Variants in FLACC1 observed in about 807,000 individuals in gnomAD.
The protein encoded by FLACC1 is flagellum associated containing coiled-coil domains 1, also known as flagellum-associated coiled-coil domain-containing protein 1.
FLACC1 carries 66 observed loss-of-function variants against 62.8 expected under a neutral mutation model. That is an observed-to-expected ratio of 1.05 (90% CI 0.86 to 1.29). FLACC1 has a LOEUF of 1.29. Among genes scored for constraint, FLACC1 ranks in the 50% most tolerant of loss-of-function variants. FLACC1 has a pLI of 0.00. For synonymous variants in FLACC1, 156 were observed against 161.0 expected (o/e 0.97, Z 0.24); for missense variants, 452 against 489.1 (o/e 0.92, Z 0.71).
At position 201,344,755 on chromosome 2, in the gene FLACC1, G is replaced by A. The variant is rs1950879826; in HGVS notation, c.369-492C>T. On this transcript the variant is annotated intron_variant, in intron 5 of 14. Coordinates refer to ENST00000392257, the MANE Select transcript of FLACC1 (RefSeq NM_001127391.3). ...AGGTCATGGTTTTCTGTGTTTCTGG[G>A]TCTAAGGCTGCCATGGTATCTGTAA... is the stretch of plus-strand genomic sequence containing the variant. 2.0e-5 allele frequency among the ~76,000 whole-genome samples: 3 copies of A among 152,200 alleles called. No individual in the cohort carries two copies. In the South Asian group the frequency reaches 6.2e-4, roughly 32 times the overall value.
At chr2:201,359,584 C>T (rs1241615404), upstream of FLACC1, among the ~76,000 whole-genome samples, 3 of 152,196 alleles carry the variant, frequency 2.0e-5, no homozygotes, top group Non-Finnish European at 4.4e-5. Flanking sequence ...AAGTGGCTTA[C>T]ATCAAAGAGG....
chr2:201,303,994 G>A (rs1950047101), intron 11 of FLACC1, among the ~76,000 whole-genome samples: 1 of 152,160 alleles, frequency 6.6e-6, no homozygotes, highest in Non-Finnish European at 1.5e-5. Context: ...GCAAAAACTG[G>A]AAGCATTCCC....
intron 2 of FLACC1, 133 bp downstream of exon 2, chr2:201,351,158 TG>T: frequency 1.3e-6 from 1 of 768,658 alleles, no homozygotes; most frequent in Non-Finnish European, 2.1e-6. Flanking sequence ...GCAGGGAAGC[TG>T]GGGAAAGCGA....
chr2:201,299,401 C>T, intron 11 of FLACC1, 101 bp from the exon 12 acceptor site: 2 of 922,332 alleles, frequency 2.2e-6, no homozygotes, highest in Non-Finnish European at 3.4e-6. Context: ...TAATATTCAC[C>T]AAAGCTTAGA....
chr2:201,356,743 G>T (rs1473809826), intron 1 of FLACC1, among the ~76,000 whole-genome samples: 1 of 152,174 alleles, frequency 6.6e-6, no homozygotes, highest in Non-Finnish European at 1.5e-5. Context: ...ATCACAGATA[G>T]ATCTGCATTT....
chr2:201,330,986 T>G (rs1950583413), intron 7 of FLACC1, among the ~76,000 whole-genome samples, 153 bp from the exon 8 acceptor site: 1 of 151,522 alleles, frequency 6.6e-6, no homozygotes. Context: ...TTTTTTTTTT[T>G]TGAGTCAGAG....
At chr2:201,354,789 G>A (rs1414460324) in intron 1 of FLACC1, among the ~76,000 whole-genome samples, 1 of 152,180 alleles carries the variant, frequency 6.6e-6, no homozygotes, top group Non-Finnish European at 1.5e-5. Context: ...AGAAGTGAGA[G>A]GCTAAGGCAG....
upstream of FLACC1, among the ~76,000 whole-genome samples, chr2:201,359,313 T>C (rs996070114): frequency 4.6e-5 from 7 of 152,340 alleles, no homozygotes; most frequent in African/African-American, 9.6e-5. Context: ...GGGAGACTAA[T>C]AGACAAGTGG....
intron 5 of FLACC1, 97 bp from the exon 6 acceptor site, chr2:201,344,360 C>T (rs1321839017): frequency 2.0e-6 from 2 of 1,013,644 alleles, no homozygotes; most frequent in East Asian, 4.8e-5. Context: ...TGAGAGCTGG[C>T]CTGGTGAGAG....
At chr2:201,290,357 T>C (rs1209729838) in intron 12 of FLACC1, among the ~76,000 whole-genome samples, 6 of 146,200 alleles carry the variant, frequency 4.1e-5, no homozygotes, top group African/African-American at 1.5e-4. Context: ...AAGATACTAA[T>C]AATAAAGGAA....
At chr2:201,361,502 G>A (rs1951185784), upstream of FLACC1, among the ~76,000 whole-genome samples, 1 of 152,196 alleles carries the variant, frequency 6.6e-6, no homozygotes, top group Non-Finnish European at 1.5e-5. Flanking sequence ...TTCGCATACA[G>A]GAATGGTATT....
chr2:201,348,372 C>A, intron 3 of FLACC1, 70 bp from the exon 4 acceptor site: 1 of 1,494,946 alleles, frequency 6.7e-7, no homozygotes. Flanking sequence ...GGAGCTGAAC[C>A]CTGAGGCCGC....
chr2:201,316,224 A>T (rs1320551254), intron 9 of FLACC1, among the ~76,000 whole-genome samples: 2 of 152,202 alleles, frequency 1.3e-5, no homozygotes, highest in Non-Finnish European at 2.9e-5. Flanking sequence ...AACTGAATGA[A>T]ATCAAACAAA....
At chr2:201,358,367 C>A (rs76666073), upstream of FLACC1, among the ~76,000 whole-genome samples, 138 of 151,908 alleles carry the variant, frequency 9.1e-4, 1 homozygote, top group East Asian at 0.025. Flanking sequence ...CTCAGACTCC[C>A]AAGTAGATGG....
intron 12 of FLACC1, among the ~76,000 whole-genome samples, chr2:201,296,436 C>T (rs2125541261): frequency 6.9e-6 from 1 of 144,818 alleles, no homozygotes; most frequent in South Asian, 2.1e-4. Flanking sequence ...ACCACATGTT[C>T]TTGCTCAGAG....
intron 9 of FLACC1, among the ~76,000 whole-genome samples, chr2:201,317,074 A>C (rs1055429661): frequency 1.3e-5 from 2 of 152,202 alleles, no homozygotes; most frequent in African/African-American, 4.8e-5. Flanking sequence ...CATCTATGAC[A>C]AACCCACAGC....
intron 9 of FLACC1, among the ~76,000 whole-genome samples, chr2:201,319,442 C>T (rs10804112): frequency 0.54 from 81,962 of 151,926 alleles, 22,997 homozygotes; most frequent in East Asian, 0.68. Context: ...ATTCTGAACA[C>T]TGGCCTTGGG....
chr2:201,295,464 A>G (rs1347824660), intron 12 of FLACC1, among the ~76,000 whole-genome samples: 1 of 152,212 alleles, frequency 6.6e-6, no homozygotes, highest in Non-Finnish European at 1.5e-5. Context: ...TCATATGTAG[A>G]AAGCTGAAAC....
In FLACC1 at chr2:201,330,469, C is replaced by A. The variant is rs1216930205; in HGVS notation, c.675+1G>T. 6.2e-7 allele frequency: 1 copy of A among 1,613,398 alleles called. No homozygotes were observed. Among genetic ancestry groups the A allele is most frequent in the African/African-American group, 1.3e-5 (1 of 75,028 alleles). On this transcript the variant is annotated splice_donor_variant, in intron 9 of 14. Coordinates refer to ENST00000392257, the MANE Select transcript of FLACC1 (RefSeq NM_001127391.3). LOFTEE classifies it high-confidence loss of function. ...ATCCAACAGGGAGCTGTGTATCTCA[C>A]CTGATACGTACGAAACATATTCTTC...
Sources: allele counts gnomAD v4.1 joint callset (sites outside exome capture counted in the v4.1 genomes callset), GRCh38; gene constraint gnomAD v4.1.1; transcripts MANE v1.5; gene names NCBI Gene and HGNC (gene_info 2026-07-23, HGNC 2026-07-21).